Variants in OSTF1 observed in about 807,000 individuals in gnomAD.
OSTF1 encodes osteoclast-stimulating factor 1.
Under a neutral mutation model 37.2 loss-of-function variants are expected in OSTF1, and 27 were observed. The observed-to-expected ratio is 0.73, with a 90% CI of 0.54 to 1.00. The LOEUF (loss-of-function observed/expected upper bound fraction) is 1.00, where lower values mean the gene tolerates loss of function less well. Among genes scored for constraint, OSTF1 ranks in the 50% least tolerant of loss-of-function variants. The pLI, the probability that OSTF1 is intolerant of heterozygous loss-of-function variation, is 0.00. For synonymous variants in OSTF1, 82 were observed against 89.2 expected, an observed-to-expected ratio of 0.92 and a Z score of 0.46; for missense variants, 232 against 253.8, an observed-to-expected ratio of 0.91 and a Z score of 0.58.
intron 1 of OSTF1, among the ~76,000 whole-genome samples, chr9:75,107,354 G>C (rs1825306947): frequency 6.6e-6 from 1 of 151,792 alleles, no homozygotes; most frequent in Non-Finnish European, 1.5e-5. Context: ...GTACCCACGG[G>C]GTATAAATTA....
chr9:75,100,503 AT>A (rs1314197408), intron 1 of OSTF1, among the ~76,000 whole-genome samples: 1 of 152,024 alleles, frequency 6.6e-6, no homozygotes, highest in East Asian at 1.9e-4. Context: ...GCTGAAGCAG[AT>A]GGATCACTTG....
chr9:75,139,988 G>A lies in OSTF1; in HGVS notation c.488-846G>A, dbSNP rs146953279. Among the ~76,000 whole-genome samples, 642 of 152,292 alleles carry A rather than the reference G, an allele frequency of 4.2e-3. 7 individuals are homozygous for A. The highest frequency in any genetic ancestry group is 5.2e-3 in the Non-Finnish European group (351 of 68,032). The stretch of plus-strand genomic sequence containing the variant: ...AAAATTAGGAGTAGCCTAAGTGCCC[G>A]TCAATACAGGAGTAATTAAATTTTG... On this transcript the variant is annotated intron_variant, in intron 8 of 9. Coordinates refer to ENST00000346234, the MANE Select transcript of OSTF1 (RefSeq NM_012383.5).
intron 2 of OSTF1, among the ~76,000 whole-genome samples, chr9:75,123,814 G>T (rs1825619901): frequency 6.6e-6 from 1 of 152,168 alleles, no homozygotes; most frequent in African/African-American, 2.4e-5. Flanking sequence ...TTCTCGGGAT[G>T]AAAAAATGAG....
chr9:75,105,241 G>A (rs1345860641), intron 1 of OSTF1, among the ~76,000 whole-genome samples: 9 of 152,194 alleles, frequency 5.9e-5, no homozygotes, highest in Non-Finnish European at 1.0e-4. Context: ...CTGTGGCCCA[G>A]TGCTCTGTTT....
At chr9:75,127,299 A>G (rs1825676189) in intron 2 of OSTF1, among the ~76,000 whole-genome samples, 1 of 152,202 alleles carries the variant, frequency 6.6e-6, no homozygotes, top group Admixed American at 6.5e-5. Flanking sequence ...CTATTTTGAT[A>G]TACAAATGTC....
At chr9:75,139,988 G>C (rs146953279) in intron 8 of OSTF1, among the ~76,000 whole-genome samples, 1 of 152,294 alleles carries the variant, frequency 6.6e-6, no homozygotes, top group South Asian at 2.1e-4. Flanking sequence ...CTAAGTGCCC[G>C]TCAATACAGG....
At position 75,146,702 on chromosome 9, in the gene OSTF1, CA is replaced by C; in HGVS notation, c.608del (p.Asn203MetfsTer19). The C allele has an allele frequency of 2.5e-6, 4 of 1,609,882 alleles. No individual in the cohort carries two copies. Among genetic ancestry groups the C allele is most frequent in the Non-Finnish European group, 3.4e-6 (4 of 1,177,764 alleles). On this transcript the variant is annotated frameshift_variant, in exon 10 of 10. Transcript: ENST00000346234. LOFTEE classifies it high-confidence loss of function. ...QGTDAVRTLS[N>X]AEDYLDDEDS... The stretch of plus-strand genomic sequence containing the variant: ...TTTCAGATGCAGTTCGAACATTAAG[CA>C]ATGCCGAGGACTATCTCGATGATGA...
intron 1 of OSTF1, among the ~76,000 whole-genome samples, chr9:75,111,412 G>T (rs1042275060): frequency 1.3e-5 from 2 of 152,130 alleles, no homozygotes; most frequent in African/African-American, 4.8e-5. Context: ...AACAGAGAAG[G>T]GTGGGACTGG....
rs575119184 is a variant in OSTF1 at position 75,135,880 on chromosome 9, C to T, written c.408+1485C>T. ...AGGCCCTCAGCTTTTAGAGGCCACC[C>T]CTCTCTGTAGACAGCTCACAGTATG... On this transcript the variant is annotated intron_variant, in intron 7 of 9. Transcript: ENST00000346234. Among the ~76,000 whole-genome samples, 7 of 152,314 alleles carry T rather than the reference C, an allele frequency of 4.6e-5. No homozygotes were observed. The South Asian group carries it at 1.4e-3, about 32-fold the overall frequency.
At chr9:75,103,643 C>T (rs1047642382) in intron 1 of OSTF1, among the ~76,000 whole-genome samples, 1 of 152,118 alleles carries the variant, frequency 6.6e-6, no homozygotes, top group East Asian at 1.9e-4. Flanking sequence ...TGGTAATTCC[C>T]TCTGTTGCTA....
At chr9:75,133,546 G>A in intron 6 of OSTF1, 145 bp downstream of exon 6, 1 of 583,012 alleles carries the variant, frequency 1.7e-6, no homozygotes, top group Non-Finnish European at 3.1e-6. Context: ...CCTTGTTCCT[G>A]GAAGCTCTGT....
At position 75,088,739 on chromosome 9, in the gene OSTF1, A is replaced by G. The variant is rs750357845; in HGVS notation, c.34+13A>G. The G allele has an allele frequency of 6.2e-7, 1 of 1,604,078 alleles. No individual in the cohort carries two copies. The highest frequency in any genetic ancestry group is 1.1e-5 in the South Asian group (1 of 89,782). ...CCAGTCAAACCAGGTGAGGGAGGTA[A>G]GGTAGGCGCTTGCCAGGTCCTGCGA... is the stretch of plus-strand genomic sequence containing the variant. On this transcript the variant is annotated intron_variant, in intron 1 of 9. Transcript: ENST00000346234.
intron 1 of OSTF1, among the ~76,000 whole-genome samples, chr9:75,094,125 G>C (rs1825030101): frequency 6.6e-6 from 1 of 152,214 alleles, no homozygotes; most frequent in Non-Finnish European, 1.5e-5. Flanking sequence ...CATATGAGCA[G>C]AGAAACCTGC....
At chr9:75,133,517 T>G in intron 6 of OSTF1, 116 bp downstream of exon 6, 1 of 648,624 alleles carries the variant, frequency 1.5e-6, no homozygotes, top group East Asian at 2.7e-5. Flanking sequence ...TTTGAATCCT[T>G]TAGAATACCG....
At chr9:75,103,134 G>A (rs2118430557) in intron 1 of OSTF1, among the ~76,000 whole-genome samples, 1 of 147,542 alleles carries the variant, frequency 6.8e-6, no homozygotes, top group South Asian at 2.1e-4. Flanking sequence ...AAAAAATAGA[G>A]AAAGAAAAAT....
intron 6 of OSTF1, among the ~76,000 whole-genome samples, chr9:75,133,732 A>C (rs1825802406): frequency 6.6e-6 from 1 of 152,230 alleles, no homozygotes; most frequent in South Asian, 2.1e-4. Flanking sequence ...TTGCTCCTCT[A>C]GCTTAGCTTT....
At chr9:75,109,804 T>G (rs566473132) in intron 1 of OSTF1, among the ~76,000 whole-genome samples, 118 of 152,370 alleles carry the variant, frequency 7.7e-4, no homozygotes, top group African/African-American at 2.7e-3. Context: ...CAAACAATTT[T>G]CTATAGTGGC....
chr9:75,104,313 G>A lies in OSTF1; in HGVS notation c.35-13191G>A, dbSNP rs192078554. Reference sequence around the variant, plus strand: ...TAATCCCAGGGCTTTGGAAGGACAAGGCAAGAGGATTGCTTGAAGCTAGGA... The same window carrying A: ...TAATCCCAGGGCTTTGGAAGGACAAAGCAAGAGGATTGCTTGAAGCTAGGA... On this transcript the variant is annotated intron_variant, in intron 1 of 9. Coordinates refer to ENST00000346234, the MANE Select transcript of OSTF1 (RefSeq NM_012383.5). Among the ~76,000 whole-genome samples the A allele has an allele frequency of 3.9e-5, 6 of 152,250 alleles. No individual in the cohort carries two copies. The East Asian group carries it at 9.7e-4, about 25-fold the overall frequency.
chr9:75,088,850 C>T lies in OSTF1; in HGVS notation c.34+124C>T, dbSNP rs1824870624. 7 of 915,074 alleles carry T rather than the reference C, an allele frequency of 7.6e-6. No homozygotes were observed. In the South Asian group the frequency reaches 1.0e-4, roughly 13 times the overall value. 56.7% of individuals were successfully genotyped at this position (915,074 alleles called of 1,614,324 possible). The stretch of plus-strand genomic sequence containing the variant: ...CCCGAGCCTGGCTTCCGAGATCGGC[C>T]CCACCGGGATGGGCGCTCTTAGTTT... On this transcript the variant is annotated intron_variant, in intron 1 of 9. Transcript: ENST00000346234.
Sources: gnomAD v4.1 joint callset for allele counts (sites outside exome capture counted in the v4.1 genomes callset) on GRCh38, gnomAD v4.1.1 for gene constraint, MANE v1.5 for transcripts, NCBI Gene and HGNC (gene_info 2026-07-23, HGNC 2026-07-21) for gene names.